The following STK38L variants were observed in gnomAD, a reference collection of about 807,000 sequenced individuals.
STK38L encodes the protein serine/threonine kinase 38 like.
In STK38L, 28 loss-of-function variants were observed where a neutral mutation model predicts 59.7. The observed-to-expected ratio is 0.47, with a 90% confidence interval of 0.35 to 0.64. The LOEUF is 0.64. Ranked by LOEUF, STK38L falls within the 30% of genes least tolerant of loss-of-function variation. The probability of loss-of-function intolerance (pLI) is 0.01; values close to 1 mark genes in which losing one functional copy is unlikely to be tolerated. For missense variants in STK38L, 314 were observed against 555.8 expected, an observed-to-expected ratio of 0.56 and a Z score of 4.37; for synonymous variants, 162 against 176.8, an observed-to-expected ratio of 0.92 and a Z score of 0.66.
At chr12:27,255,975 A>G (rs1341067073) in intron 1 of STK38L, among the ~76,000 whole-genome samples, 1 of 152,160 alleles carries the variant, frequency 6.6e-6, no homozygotes, top group Non-Finnish European at 1.5e-5. Flanking sequence ...TTCCCAGTGC[A>G]TGGCGTTGTT....
intron 3 of STK38L, among the ~76,000 whole-genome samples, chr12:27,306,320 A>C (rs543177652): frequency 3.9e-4 from 60 of 151,970 alleles, no homozygotes; most frequent in Non-Finnish European, 8.1e-4. Flanking sequence ...AGAGATTCAA[A>C]ATACTTTCAA....
chr12:27,310,523 A>G (rs1944429949), intron 5 of STK38L, among the ~76,000 whole-genome samples: 1 of 152,146 alleles, frequency 6.6e-6, no homozygotes, highest in African/African-American at 2.4e-5. Context: ...ACTGGGCACA[A>G]ATTGGGATAT....
chr12:27,310,649 CTG>C (rs549623759), intron 5 of STK38L, among the ~76,000 whole-genome samples: 221 of 152,268 alleles, frequency 1.5e-3, no homozygotes, highest in African/African-American at 4.9e-3. Flanking sequence ...GTTACATAAA[CTG>C]TATTATTAAA....
intron 1 of STK38L, among the ~76,000 whole-genome samples, chr12:27,292,735 G>C (rs1209985339): frequency 6.6e-6 from 1 of 152,058 alleles, no homozygotes; most frequent in Non-Finnish European, 1.5e-5. Context: ...AACTACAATG[G>C]AAAGAACATC....
chr12:27,255,801 C>T (rs1051301826), intron 1 of STK38L, among the ~76,000 whole-genome samples: 1 of 152,210 alleles, frequency 6.6e-6, no homozygotes, highest in African/African-American at 2.4e-5. Context: ...ACTTCCAAAC[C>T]GGTATATCTT....
intron 1 of STK38L, among the ~76,000 whole-genome samples, chr12:27,257,076 T>C (rs904579634): frequency 5.3e-5 from 8 of 152,210 alleles, no homozygotes; most frequent in African/African-American, 1.7e-4. Context: ...ATTACGGGAA[T>C]TTACTTATAG....
chr12:27,282,081 G>T (rs1943672730), intron 1 of STK38L, among the ~76,000 whole-genome samples: 2 of 152,134 alleles, frequency 1.3e-5, no homozygotes. Flanking sequence ...AAAAAGAAAT[G>T]ATATATGCTG....
chr12:27,249,482 C>T (rs1942926210), intron 1 of STK38L, among the ~76,000 whole-genome samples: 1 of 152,168 alleles, frequency 6.6e-6, no homozygotes, highest in Non-Finnish European at 1.5e-5. Flanking sequence ...GGATTACAGG[C>T]ACGCACCACC....
intron 1 of STK38L, among the ~76,000 whole-genome samples, chr12:27,287,410 G>A (rs977393421): frequency 4.6e-5 from 7 of 151,904 alleles, no homozygotes; most frequent in South Asian, 2.1e-4. Flanking sequence ...ACATCTGGGC[G>A]CTTTTAGATA....
At chr12:27,293,411 A>G (rs182774458) in intron 1 of STK38L, among the ~76,000 whole-genome samples, 1 of 152,344 alleles carries the variant, frequency 6.6e-6, no homozygotes, top group Admixed American at 6.5e-5. Context: ...ATTTAAATTG[A>G]ATAACAGTTC....
chr12:27,309,508 A>G (rs1232892392), intron 5 of STK38L, among the ~76,000 whole-genome samples: 1 of 152,196 alleles, frequency 6.6e-6, no homozygotes. Flanking sequence ...GTTTCTGGTG[A>G]GGCCTCTCTT....
chr12:27,319,301 G>T, intron 11 of STK38L, 27 bp from the exon 12 acceptor site: 1 of 1,481,106 alleles, frequency 6.8e-7, no homozygotes, highest in Non-Finnish European at 9.4e-7. Flanking sequence ...ACTTGTGTAT[G>T]ATAATTTCTC....
At position 27,324,372 on chromosome 12, in the gene STK38L, A is replaced by C. The variant is rs1944796143; in HGVS notation, c.*1917A>C. 1 of 152,050 alleles carries C rather than the reference A, an allele frequency of 6.6e-6. No homozygotes were observed. The highest frequency in any genetic ancestry group is 1.5e-5 in the Non-Finnish European group (1 of 67,952). 9.4% of individuals were successfully genotyped at this position (152,050 alleles called of 1,614,324 possible). ...CACCCCACATCGCTCCCCTTTTTTTAAAAAGGACTGTTTTGCTAGTGTGAT... is the reference window on the plus strand; with the variant it reads ...CACCCCACATCGCTCCCCTTTTTTTCAAAAGGACTGTTTTGCTAGTGTGAT... On this transcript the variant is annotated 3_prime_UTR_variant, in exon 14 of 14. Transcript: ENST00000389032.
chr12:27,261,931 G>A (rs1025986236), intron 1 of STK38L, among the ~76,000 whole-genome samples: 3 of 152,162 alleles, frequency 2.0e-5, no homozygotes, highest in Non-Finnish European at 2.9e-5. Flanking sequence ...AGTATATATG[G>A]CATACAGTTC....
chr12:27,270,938 A>G (rs1459510583), intron 1 of STK38L, among the ~76,000 whole-genome samples: 1 of 152,248 alleles, frequency 6.6e-6, no homozygotes, highest in East Asian at 1.9e-4. Context: ...ATCTTTTGGT[A>G]GATTTTTCCA....
At chr12:27,259,646 C>CT (rs1555130122) in intron 1 of STK38L, among the ~76,000 whole-genome samples, 2 of 151,994 alleles carry the variant, frequency 1.3e-5, no homozygotes, top group Admixed American at 6.6e-5. Context: ...CTTTCCCCCC[C>CT]TTTTTTTTCC....
intron 1 of STK38L, among the ~76,000 whole-genome samples, chr12:27,254,757 A>G (rs1943053612): frequency 6.6e-6 from 1 of 152,166 alleles, no homozygotes; most frequent in Admixed American, 6.5e-5. Context: ...AAAGGAACAG[A>G]AGGAGGAAAA....
chr12:27,268,410 T>A (rs1208458606), intron 1 of STK38L, among the ~76,000 whole-genome samples: 2 of 152,162 alleles, frequency 1.3e-5, no homozygotes, highest in African/African-American at 4.8e-5. Flanking sequence ...AGAATGATGG[T>A]TTCCAGCTTC....
chr12:27,273,172 A>G (rs1803894334), intron 1 of STK38L, among the ~76,000 whole-genome samples: 1 of 151,376 alleles, frequency 6.6e-6, no homozygotes, highest in Non-Finnish European at 1.5e-5. Context: ...ACAAGGGCGG[A>G]GATTTTCTAC....
Sources: allele counts gnomAD v4.1 joint callset (sites outside exome capture counted in the v4.1 genomes callset), GRCh38; gene constraint gnomAD v4.1.1; transcripts MANE v1.5; gene names NCBI Gene and HGNC (gene_info 2026-07-23, HGNC 2026-07-21).